Variants in TAB3 observed in about 807,000 individuals in gnomAD.
TAB3 encodes the protein TGF-beta activated kinase 1 (MAP3K7) binding protein 3.
TAB3 carries 18 observed loss-of-function variants against 48.1 expected under a neutral mutation model. The observed-to-expected ratio is 0.37, with a 90% CI of 0.26 to 0.55. The LOEUF is 0.55. TAB3 is among the 20% of genes least tolerant of loss of function. The probability of loss-of-function intolerance (pLI) is 0.78; values close to 1 mark genes in which losing one functional copy is unlikely to be tolerated. For synonymous variants in TAB3, 185 were observed against 190.2 expected (o/e 0.97, Z 0.22); for missense variants, 414 against 549.8 (o/e 0.75, Z 2.47).
At chrX:30,881,767 G>A (rs1214071539) in intron 1 of TAB3, among the ~76,000 whole-genome samples, 1 of 111,492 alleles carries the variant, frequency 9.0e-6, no homozygotes, top group African/African-American at 3.3e-5. Context: ...TTTTGAAGTT[G>A]GGTGATTTCT....
At position 30,831,246 on chromosome X, in the gene TAB3, GAA is replaced by G. The variant is rs774526106; in HGVS notation, c.*179_*180del. The stretch of plus-strand genomic sequence containing the variant: ...CACTCTGTAGTGAGTTAAGAAAGGA[GAA>G]AAAAAAGACCTCCCCATTTTTCCTT... On this transcript the variant is annotated 3_prime_UTR_variant, in exon 11 of 11. Coordinates refer to ENST00000288422, the MANE Select transcript of TAB3 (RefSeq NM_152787.5). 190 of 430,543 alleles carry G rather than the reference GAA, an allele frequency of 4.4e-4. No individual in the cohort carries two copies. Among genetic ancestry groups the G allele is most frequent in the African/African-American group, 3.4e-3 (137 of 39,831 alleles). The allele number at this position is 430,543 out of a possible 1,213,427, so 35.5% of individuals were successfully genotyped here. A position where few individuals can be genotyped will look rare whatever the true frequency, so the allele number is the denominator to read the frequency against.
chrX:30,837,801 AACTTTTAT>A (rs747912260), intron 9 of TAB3, among the ~76,000 whole-genome samples: 430 of 112,708 alleles, frequency 3.8e-3, no homozygotes, highest in Middle Eastern at 0.014. Flanking sequence ...TTTATAGTTT[AACTTTTAT>A]ACTTAGGTGT....
At chrX:30,853,169 C>G (rs1483049602) in intron 6 of TAB3, among the ~76,000 whole-genome samples, 1 of 111,972 alleles carries the variant, frequency 8.9e-6, no homozygotes, top group African/African-American at 3.2e-5. Context: ...CTAAGATTCT[C>G]TTTATACTTA....
intron 2 of TAB3, among the ~76,000 whole-genome samples, chrX:30,869,885 AGT>A (rs1218728051): frequency 8.9e-6 from 1 of 112,571 alleles, no homozygotes; most frequent in African/African-American, 3.2e-5. Flanking sequence ...AAAATATCGA[AGT>A]GTTTCACACA....
chrX:30,831,721 C>T (rs1328470727), intron 10 of TAB3, 146 bp from the exon 11 acceptor site: 2 of 627,096 alleles, frequency 3.2e-6, no homozygotes, highest in East Asian at 3.6e-5. Context: ...GTAAATATAT[C>T]TACTGGAAAT....
At chrX:30,862,103 A>G (rs983199183) in intron 4 of TAB3, among the ~76,000 whole-genome samples, 2 of 112,259 alleles carry the variant, frequency 1.8e-5, no homozygotes, top group African/African-American at 6.5e-5. Context: ...ACAATCGAGT[A>G]GGCACATGGC....
In TAB3 at chrX:30,867,213, G is replaced by A. The variant is rs1044244601; in HGVS notation, c.-189C>T. 8 of 111,462 alleles carry A rather than the reference G, an allele frequency of 7.2e-5. No individual in the cohort carries two copies. Among genetic ancestry groups the A allele is most frequent in the African/African-American group, 2.6e-4 (8 of 30,615 alleles). 9.2% of individuals were successfully genotyped at this position (111,462 alleles called of 1,213,427 possible). ...CCAACTGTGATGGGGTTTCCTGGAT[G>A]GAATCCTGAAAGAGGAAAAAAAACA... On this transcript the variant is annotated 5_prime_UTR_variant, in exon 4 of 11. Coordinates refer to ENST00000288422, the MANE Select transcript of TAB3 (RefSeq NM_152787.5).
At chrX:30,884,274 G>A (rs1024960041) in intron 1 of TAB3, among the ~76,000 whole-genome samples, 1 of 111,819 alleles carries the variant, frequency 8.9e-6, no homozygotes, top group African/African-American at 3.3e-5. Context: ...TGACGACAAC[G>A]TAATAATAAG....
At chrX:30,834,782 C>T (rs1429294392) in intron 9 of TAB3, 2 of 109,826 alleles carry the variant, frequency 1.8e-5, no homozygotes, top group Non-Finnish European at 3.8e-5. Flanking sequence ...CACTACCACG[C>T]CCAGCTAATT....
chrX:30,871,734 T>G lies in TAB3; in HGVS notation c.-315A>C, dbSNP rs910368507. 5.4e-5 allele frequency: 6 copies of G among 111,958 alleles called. No individual in the cohort carries two copies. The highest frequency in any genetic ancestry group is 1.9e-4 in the African/African-American group (6 of 30,776). The allele number at this position is 111,958 out of a possible 1,213,427, so 9.2% of individuals were successfully genotyped here. ...TCAACTGGTGAAAATTCAACTAAGA[T>G]AATTCATCCAGTTTGACACAACACA... On this transcript the variant is annotated 5_prime_UTR_variant, in exon 2 of 11. Transcript: ENST00000288422.
chrX:30,848,934 G>A (rs1430320913), intron 7 of TAB3, among the ~76,000 whole-genome samples: 3 of 108,594 alleles, frequency 2.8e-5, no homozygotes, highest in Admixed American at 9.9e-5. Context: ...AGAATGGGGG[G>A]GAATAACTTG....
intron 7 of TAB3, among the ~76,000 whole-genome samples, chrX:30,848,840 C>CTGA (rs751379001): frequency 9.1e-6 from 1 of 110,104 alleles, no homozygotes; most frequent in South Asian, 3.9e-4. Flanking sequence ...TCAAAGACCA[C>CTGA]TGATGTTCTT....
At position 30,854,750 on chromosome X, in the gene TAB3, G is replaced by A; in HGVS notation, c.915C>T (p.Ser305=). ...AAGGTTGCACTTGATGCTGTGGAGA[G>A]CTGAAGGGTGAAGGACATTGAGAAG... ...PPPSQCPSPF[S]SPQHQVQPSQ... The change falls in exon 6 of 11, where the codon AGC becomes AGT. Residue 305 remains serine (S), a synonymous_variant. Coordinates refer to ENST00000288422, the MANE Select transcript of TAB3 (RefSeq NM_152787.5). 1 of 1,211,484 alleles carries A rather than the reference G, an allele frequency of 8.3e-7. No individual in the cohort carries two copies. The highest frequency in any genetic ancestry group is 2.3e-4 in the Middle Eastern group (1 of 4,356).
At position 30,854,729 on chromosome X, in the gene TAB3, T is replaced by C. The variant is rs772682765; in HGVS notation, c.936A>G (p.Gln312=). 17 of 1,209,539 alleles carry C rather than the reference T, an allele frequency of 1.4e-5. No individual in the cohort carries two copies. The highest frequency in any genetic ancestry group is 6.6e-5 in the Admixed American group (3 of 45,711). Residue 312 remains glutamine, a synonymous_variant, in exon 6 of 11, where the codon CAA becomes CAG. Coordinates refer to ENST00000288422, the MANE Select transcript of TAB3 (RefSeq NM_152787.5). Reference sequence around the variant, plus strand: ...TAAAGATGTGGCCCAACTGGGAAGGTTGCACTTGATGCTGTGGAGAGCTGA... The same window carrying C: ...TAAAGATGTGGCCCAACTGGGAAGGCTGCACTTGATGCTGTGGAGAGCTGA... ...SPFSSPQHQV[Q]PSQLGHIFMP... is the part of the protein sequence containing the mutation.
intron 4 of TAB3, among the ~76,000 whole-genome samples, chrX:30,862,691 C>T (rs1445887354): frequency 1.8e-5 from 2 of 111,778 alleles, no homozygotes; most frequent in Non-Finnish European, 3.8e-5. Flanking sequence ...ATGATTATCT[C>T]CATTTTACAA....
At chrX:30,870,878 C>T (rs1198803496) in intron 2 of TAB3, among the ~76,000 whole-genome samples, 2 of 112,046 alleles carry the variant, frequency 1.8e-5, no homozygotes, top group Admixed American at 9.5e-5. Context: ...GCCAAATCTG[C>T]GAAACCCTGA....
chrX:30,873,923 T>G (rs1307746822), intron 1 of TAB3, among the ~76,000 whole-genome samples: 1 of 111,420 alleles, frequency 9.0e-6, no homozygotes, highest in Non-Finnish European at 1.9e-5. Context: ...CCTGTAATCC[T>G]AGTACTTTGG....
chrX:30,834,770 G>A (rs73454153), intron 9 of TAB3: 7,340 of 109,875 alleles, frequency 0.067, 627 homozygotes, highest in African/African-American at 0.23. Context: ...ACAGGTGCAT[G>A]CCACTACCAC....
chrX:30,847,170 A>G (rs188490109), intron 7 of TAB3, among the ~76,000 whole-genome samples: 7 of 111,627 alleles, frequency 6.3e-5, no homozygotes, highest in Non-Finnish European at 1.1e-4. Context: ...TAATTTTCTT[A>G]AAGTTATAAA....
Sources: gnomAD v4.1 joint callset for allele counts (sites outside exome capture counted in the v4.1 genomes callset) on GRCh38, gnomAD v4.1.1 for gene constraint, MANE v1.5 for transcripts, NCBI Gene and HGNC (gene_info 2026-07-23, HGNC 2026-07-21) for gene names.